Variants in PPP1R1C observed in about 807,000 individuals in gnomAD.
The protein encoded by PPP1R1C is protein phosphatase 1 regulatory subunit 1C.
In PPP1R1C, 15 loss-of-function variants were observed where a neutral mutation model predicts 17.4. The ratio of observed to expected loss-of-function variants is 0.86; its 90% confidence interval spans 0.58 to 1.33. PPP1R1C has a LOEUF of 1.33. PPP1R1C is among the 40% of genes most tolerant of loss of function. The probability of loss-of-function intolerance (pLI) is 0.00; values close to 1 mark genes in which losing one functional copy is unlikely to be tolerated. For missense variants in PPP1R1C, 143 were observed against 130.0 expected, an observed-to-expected ratio of 1.10 and a Z score of -0.48; for synonymous variants, 35 against 43.1, an observed-to-expected ratio of 0.81 and a Z score of 0.73.
intron 2 of PPP1R1C, among the ~76,000 whole-genome samples, chr2:182,019,396 G>C (rs1686350762): frequency 1.3e-5 from 2 of 152,210 alleles, no homozygotes; most frequent in South Asian, 4.1e-4. Flanking sequence ...CAGCTCTACT[G>C]GGCACAGCTG....
chr2:181,962,523 G>T lies in PPP1R1C; in HGVS notation n.111+7889G>T. ...GAGAGGACAGGACTCAGGCTTTGCC[G>T]ACCCGTCATAGCAGTTTTCTAAGGA... On this transcript the variant is annotated intron_variant and non_coding_transcript_variant, in intron 1 of 5. Transcript: ENST00000464264. The surrounding 1 kb of genome is among the most constrained non-coding windows in gnomAD (Gnocchi z 6.0). 1 of 626,328 alleles carries T rather than the reference G, an allele frequency of 1.6e-6. No individual in the cohort carries two copies. The allele number at this position is 626,328 out of a possible 1,614,324, so 38.8% of individuals were successfully genotyped here.
At chr2:182,038,793 T>C (rs1340601514) in intron 2 of PPP1R1C, among the ~76,000 whole-genome samples, 1 of 152,240 alleles carries the variant, frequency 6.6e-6, no homozygotes, top group Non-Finnish European at 1.5e-5. Context: ...ATCAGGAATG[T>C]AGTGCTCAGT....
downstream of PPP1R1C, chr2:182,118,039 T>C (rs1232988686): frequency 6.6e-6 from 1 of 152,168 alleles, no homozygotes; most frequent in Non-Finnish European, 1.5e-5. Flanking sequence ...TTTTAGCTAT[T>C]ACTTGAAATT....
intron 2 of PPP1R1C, among the ~76,000 whole-genome samples, chr2:182,027,651 A>G (rs1686661480): frequency 6.9e-6 from 1 of 144,950 alleles, no homozygotes; most frequent in South Asian, 2.3e-4. Context: ...ATGTTCATCA[A>G]GGATATTGGT....
At chr2:182,082,878 T>A (rs139389978) in intron 4 of PPP1R1C, among the ~76,000 whole-genome samples, 1 of 152,222 alleles carries the variant, frequency 6.6e-6, no homozygotes, top group South Asian at 2.1e-4. Context: ...GTTGGGAAGC[T>A]GCAACACTTG....
At chr2:181,965,923 T>C (rs1315425007) in intron 1 of PPP1R1C, among the ~76,000 whole-genome samples, 1 of 152,152 alleles carries the variant, frequency 6.6e-6, no homozygotes, top group Non-Finnish European at 1.5e-5. Context: ...TATTAACTCT[T>C]CCAATCCATG....
intron 4 of PPP1R1C, among the ~76,000 whole-genome samples, chr2:182,083,440 T>A (rs1283200319): frequency 6.6e-6 from 1 of 152,164 alleles, no homozygotes; most frequent in South Asian, 2.1e-4. Context: ...ATGTCTGTTA[T>A]ACAACTCTGT....
intron 2 of PPP1R1C, among the ~76,000 whole-genome samples, chr2:182,049,552 T>C (rs1299789848): frequency 6.6e-6 from 1 of 152,058 alleles, no homozygotes; most frequent in African/African-American, 2.4e-5. Context: ...TGGGATACTA[T>C]TCAACTTATT....
At chr2:182,009,997 G>GCTA (rs1267810981) in intron 2 of PPP1R1C, among the ~76,000 whole-genome samples, 1 of 151,956 alleles carries the variant, frequency 6.6e-6, no homozygotes, top group African/African-American at 2.4e-5. Context: ...CTGTTTTTAT[G>GCTA]CTAGGATCAT....
At chr2:182,104,564 G>A (rs2125229779) in intron 4 of PPP1R1C, among the ~76,000 whole-genome samples, 1 of 152,302 alleles carries the variant, frequency 6.6e-6, no homozygotes, top group East Asian at 1.9e-4. Flanking sequence ...CATAATGTGT[G>A]ATCCTTTTAA....
chr2:182,026,654 G>C lies in PPP1R1C; in HGVS notation c.143-34788G>C, dbSNP rs1352634057. On this transcript the variant is annotated intron_variant, in intron 2 of 4. Transcript: ENST00000682840. ...GAAGTCAGGTAGTGTGATGCCTCCA[G>C]CTTCGTTCTTTTGGCTTAGGATTGA... 5.9e-5 allele frequency among the ~76,000 whole-genome samples: 9 copies of C among 152,256 alleles called. 3 individuals carry two copies. Among genetic ancestry groups the C allele is most frequent in the African/African-American group, 2.2e-4 (9 of 41,536 alleles).
chr2:182,086,836 G>A (rs537771686), intron 4 of PPP1R1C, among the ~76,000 whole-genome samples: 1 of 151,634 alleles, frequency 6.6e-6, no homozygotes, highest in Non-Finnish European at 1.5e-5. Flanking sequence ...CTATATGATT[G>A]GTCTGACAGA....
chr2:182,015,367 G>GC, intron 2 of PPP1R1C, among the ~76,000 whole-genome samples: 1 of 152,236 alleles, frequency 6.6e-6, no homozygotes, highest in South Asian at 2.1e-4. Flanking sequence ...TAATTGTGAG[G>GC]CCTCCCTAGC....
At chr2:182,037,279 T>C (rs183879554) in intron 2 of PPP1R1C, among the ~76,000 whole-genome samples, 6 of 152,354 alleles carry the variant, frequency 3.9e-5, no homozygotes, top group South Asian at 2.1e-4. Context: ...TAAAGAAGAC[T>C]TGAATCTAAG....
intron 2 of PPP1R1C, among the ~76,000 whole-genome samples, chr2:182,006,432 G>A (rs1685927278): frequency 6.6e-6 from 1 of 152,170 alleles, no homozygotes; most frequent in South Asian, 2.1e-4. Flanking sequence ...ATACAGCATT[G>A]ATGAAACAAG....
At chr2:181,991,314 T>C (rs1445887075) in intron 2 of PPP1R1C, among the ~76,000 whole-genome samples, 1 of 152,186 alleles carries the variant, frequency 6.6e-6, no homozygotes, top group African/African-American at 2.4e-5. Context: ...ATTAGTTGTA[T>C]TCTAGGGGCA....
Position 181,961,356 on chromosome 2 carries a change from A to G in PPP1R1C, n.111+6722A>G. On this transcript the variant is annotated intron_variant and non_coding_transcript_variant, in intron 1 of 5. Coordinates refer to the PPP1R1C transcript ENST00000464264. This position sits in a 1 kb window ranked among gnomAD's most constrained non-coding sequence, Gnocchi z 5.8. ...GCAGGCGGTGGTAGGTGGCGCTCTC[A>G]GCCTCCAGCTTGACCTTGATGTTCA... 1.4e-6 allele frequency: 1 copy of G among 716,832 alleles called. No individual in the cohort carries two copies. The highest frequency in any genetic ancestry group is 2.5e-6 in the Non-Finnish European group (1 of 394,736). The allele number at this position is 716,832 out of a possible 1,614,324, so 44.4% of individuals were successfully genotyped here.
chr2:182,021,195 T>C (rs1686411863), intron 2 of PPP1R1C, among the ~76,000 whole-genome samples: 1 of 152,112 alleles, frequency 6.6e-6, no homozygotes. Flanking sequence ...ATGCATGTGG[T>C]AGAAAGAGTC....
chr2:181,997,061 T>C (rs1294703025), intron 2 of PPP1R1C, among the ~76,000 whole-genome samples: 1 of 151,108 alleles, frequency 6.6e-6, no homozygotes, highest in African/African-American at 2.4e-5. Flanking sequence ...AACCCTGTCT[T>C]TACTAGAAAT....
Sources: gnomAD v4.1 joint callset for allele counts (sites outside exome capture counted in the v4.1 genomes callset) on GRCh38, gnomAD v4.1.1 for gene constraint, Gnocchi (gnomAD v3.1) non-coding constraint, MANE v1.5 for transcripts, NCBI Gene and HGNC (gene_info 2026-07-23, HGNC 2026-07-21) for gene names.